Variants in ICOS observed in about 807,000 individuals in gnomAD.
ICOS encodes inducible T cell costimulator, also known as inducible T-cell costimulator.
In ICOS, 15 loss-of-function variants were observed where a neutral mutation model predicts 24.6. That is an observed-to-expected ratio of 0.61 (90% CI 0.41 to 0.94). The LOEUF is 0.94. Among genes scored for constraint, ICOS ranks in the 40% least tolerant of loss-of-function variants. The pLI is 0.00. For missense variants in ICOS, 200 were observed against 233.0 expected (o/e 0.86, Z 0.92); for synonymous variants, 89 against 77.5 (o/e 1.15, Z -0.78).
intron 1 of ICOS, among the ~76,000 whole-genome samples, chr2:203,949,637 T>C (rs1003184763): frequency 6.6e-6 from 1 of 152,116 alleles, no homozygotes; most frequent in African/African-American, 2.4e-5. Context: ...ATATCAAAGA[T>C]AGTATGAGAG....
At chr2:203,938,596 G>T (rs186492264) in intron 1 of ICOS, among the ~76,000 whole-genome samples, 5 of 152,260 alleles carry the variant, frequency 3.3e-5, no homozygotes, top group Admixed American at 3.3e-4. Context: ...TTCGTGGAAG[G>T]GTTTGTTTGT....
In ICOS at chr2:203,955,704, A is replaced by G; in HGVS notation, c.127A>G (p.Lys43Glu). 2 of 1,613,702 alleles carry G rather than the reference A, an allele frequency of 1.2e-6. No homozygotes were observed. The highest frequency in any genetic ancestry group is 1.7e-6 in the Non-Finnish European group (2 of 1,179,684). ...FHNGGVQILC[K>E]YPDIVQQFKM... ...CAACGGAGGTGTACAAATTTTATGC[A>G]AATATCCTGACATTGTCCAGCAATT... The change falls in exon 2 of 5, where the codon AAA becomes GAA. Residue 43 changes from lysine (K) to glutamate (E), a missense_variant. Lys to Glu is a moderately conservative substitution (Grantham distance 56). Coordinates refer to ENST00000316386, the MANE Select transcript of ICOS (RefSeq NM_012092.4).
In ICOS at chr2:203,957,542, A is replaced by G. The variant is rs10176404; in HGVS notation, c.502-257A>G. Among the ~76,000 whole-genome samples, 23,491 of 152,196 alleles carry G rather than the reference A, an allele frequency of 0.15. 1,917 individuals are homozygous for G. The highest frequency in any genetic ancestry group is 0.28 in the South Asian group (1,361 of 4,818). ...GGAAAGAGACATAAAGAAGGAAGAGAATGAGATAGCGCCCATGGTCTAAGT... is the reference window on the plus strand; with the variant it reads ...GGAAAGAGACATAAAGAAGGAAGAGGATGAGATAGCGCCCATGGTCTAAGT... On this transcript the variant is annotated intron_variant, in intron 3 of 4. Coordinates refer to ENST00000316386, the MANE Select transcript of ICOS (RefSeq NM_012092.4).
rs1319699890 is a variant in ICOS at position 203,961,140 on chromosome 2, T to A, written c.*1541T>A. ...ACTGGGATTATGTTGTAGTTTAACA[T>A]TTTGTAACTGTGTGCTTATAGTTTA... On this transcript the variant is annotated 3_prime_UTR_variant, in exon 5 of 5. Coordinates refer to ENST00000316386, the MANE Select transcript of ICOS (RefSeq NM_012092.4). 1 of 152,300 alleles carries A rather than the reference T, an allele frequency of 6.6e-6. No homozygotes were observed. Among genetic ancestry groups the A allele is most frequent in the African/African-American group, 2.4e-5 (1 of 41,440 alleles). 9.4% of individuals were successfully genotyped at this position (152,300 alleles called of 1,614,324 possible).
chr2:203,949,769 A>G (rs1689937044), intron 1 of ICOS, among the ~76,000 whole-genome samples: 1 of 152,232 alleles, frequency 6.6e-6, no homozygotes, highest in Admixed American at 6.5e-5. Context: ...ATTTTTAACT[A>G]CTGGTATGGC....
chr2:203,944,170 C>G, intron 1 of ICOS, among the ~76,000 whole-genome samples: 1 of 152,138 alleles, frequency 6.6e-6, no homozygotes, highest in Non-Finnish European at 1.5e-5. Context: ...GACTTCTTGC[C>G]CTGTTCAAAT....
intron 1 of ICOS, among the ~76,000 whole-genome samples, chr2:203,943,716 C>T (rs747102923): frequency 3.3e-5 from 5 of 152,048 alleles, no homozygotes; most frequent in Admixed American, 1.3e-4. Flanking sequence ...CCCTAGAACT[C>T]CCAGGATTAT....
Position 203,953,693 on chromosome 2 carries a change from A to T in ICOS, c.59-1943A>T, listed in dbSNP as rs1292265870. 6.6e-5 allele frequency among the ~76,000 whole-genome samples: 10 copies of T among 152,344 alleles called. No individual in the cohort carries two copies. In the East Asian group the frequency reaches 1.9e-3, roughly 29 times the overall value. On this transcript the variant is annotated intron_variant, in intron 1 of 4. Transcript: ENST00000316386. ...CAATACATAGTATTATAACTTTTAA[A>T]CATTTTGACCAAATGTCATAATATT...
rs762933966 is a variant in ICOS, at chr2:203,956,706, G to T, written c.442G>T (p.Ala148Ser). Residue 148 changes from alanine to serine, a missense_variant, in exon 3 of 5, where the codon GCA becomes TCA. Coordinates refer to ENST00000316386, the MANE Select transcript of ICOS (RefSeq NM_012092.4). ...GAAGTTCTGGTTACCCATAGGATGT[G>T]CAGCCTTTGTTGTAGTCTGCATTTT... ...QLKFWLPIGC[A>S]AFVVVCILGC... 2 of 1,613,536 alleles carry T rather than the reference G, an allele frequency of 1.2e-6. No individual in the cohort carries two copies.
chr2:203,941,025 C>G (rs943209505), intron 1 of ICOS, among the ~76,000 whole-genome samples: 6 of 150,800 alleles, frequency 4.0e-5, no homozygotes, highest in Admixed American at 1.3e-4. Flanking sequence ...ACCTCGTGAT[C>G]CGCCCACCTC....
chr2:203,959,473 T>TGTGTGCAC lies in ICOS; in HGVS notation c.587-107_587-100dup, dbSNP rs1430692094. The TGTGTGCAC allele has an allele frequency of 1.9e-5, 15 of 808,904 alleles. No individual in the cohort carries two copies. The African/African-American group carries it at 2.5e-4, about 14-fold the overall frequency. 50.1% of individuals were successfully genotyped at this position (808,904 alleles called of 1,614,324 possible). A position where few individuals can be genotyped will look rare whatever the true frequency, so the allele number is the denominator to read the frequency against. The stretch of plus-strand genomic sequence containing the variant: ...GTGTGTGAGTGTGTGTGTGTGTGTG[T>TGTGTGCAC]GTGTGCACGTGTGTGTTTGTGTGTA... On this transcript the variant is annotated intron_variant, in intron 4 of 4. Transcript: ENST00000316386.
chr2:203,957,457 A>C (rs1472286008), intron 3 of ICOS, among the ~76,000 whole-genome samples: 1 of 152,208 alleles, frequency 6.6e-6, no homozygotes, highest in African/African-American at 2.4e-5. Flanking sequence ...GTATGCTAGT[A>C]CTCAAGTATA....
chr2:203,943,516 G>A (rs1256018219), intron 1 of ICOS, among the ~76,000 whole-genome samples: 1 of 152,136 alleles, frequency 6.6e-6, no homozygotes, highest in Non-Finnish European at 1.5e-5. Flanking sequence ...AACCATCTAT[G>A]GGTCTCTCAG....
In ICOS at chr2:203,945,767, A is replaced by G. The variant is rs978732448; in HGVS notation, c.58+8895A>G. Among the ~76,000 whole-genome samples the G allele has an allele frequency of 2.6e-5, 4 of 152,208 alleles. No individual in the cohort carries two copies. In the East Asian group the frequency reaches 7.7e-4, roughly 29 times the overall value. Reference sequence around the variant, plus strand: ...ACAGTCCATCGTTGACCAACATGTCATTTATGCAGCGCATGACTGTACTGA... The same window carrying G: ...ACAGTCCATCGTTGACCAACATGTCGTTTATGCAGCGCATGACTGTACTGA... On this transcript the variant is annotated intron_variant, in intron 1 of 4. Transcript: ENST00000316386.
intron 3 of ICOS, among the ~76,000 whole-genome samples, chr2:203,957,158 G>A (rs1690091499): frequency 6.6e-6 from 1 of 152,102 alleles, no homozygotes; most frequent in African/African-American, 2.4e-5. Context: ...TGAGAGGCAG[G>A]GCAGAGATGA....
At chr2:203,959,182 G>C (rs1352327579) in intron 4 of ICOS, among the ~76,000 whole-genome samples, 2 of 152,142 alleles carry the variant, frequency 1.3e-5, no homozygotes, top group African/African-American at 2.4e-5. Flanking sequence ...TCTCTGAGCT[G>C]TGCCTCTACT....
chr2:203,941,355 G>A (rs958575544), intron 1 of ICOS, among the ~76,000 whole-genome samples: 1 of 152,092 alleles, frequency 6.6e-6, no homozygotes, highest in South Asian at 2.1e-4. Flanking sequence ...AGATGAAATG[G>A]ATATTTCAGT....
chr2:203,959,514 AG>A (rs1690134745), intron 4 of ICOS, 71 bp from the exon 5 acceptor site: 1 of 1,287,874 alleles, frequency 7.8e-7, no homozygotes, highest in Admixed American at 1.7e-5. Flanking sequence ...GGCAATGGAG[AG>A]GGGAAAGCTT....
At chr2:203,954,084 A>G (rs1024597836) in intron 1 of ICOS, among the ~76,000 whole-genome samples, 1 of 152,238 alleles carries the variant, frequency 6.6e-6, no homozygotes, top group African/African-American at 2.4e-5. Flanking sequence ...TAATTTTCCC[A>G]AACAATTTCA....
Sources: allele counts gnomAD v4.1 joint callset (sites outside exome capture counted in the v4.1 genomes callset), GRCh38; gene constraint gnomAD v4.1.1; transcripts MANE v1.5; gene names NCBI Gene and HGNC (gene_info 2026-07-23, HGNC 2026-07-21).